DACH2: variants seen among roughly 807,000 people sequenced by gnomAD.
DACH2 encodes the protein dachshund family transcription factor 2.
In DACH2, 17 loss-of-function variants were observed where a neutral mutation model predicts 35.8. The observed-to-expected ratio is 0.48, with a 90% CI of 0.33 to 0.71. DACH2 has a LOEUF of 0.71. DACH2 is among the 30% of genes least tolerant of loss of function. The pLI, the probability that DACH2 is intolerant of heterozygous loss-of-function variation, is 0.02. For synonymous variants in DACH2, 195 were observed against 177.3 expected, an observed-to-expected ratio of 1.10 and a Z score of -0.79; for missense variants, 469 against 472.7, an observed-to-expected ratio of 0.99 and a Z score of 0.07.
chrX:86,828,020 A>C, intron 11 of DACH2: 1 of 291,688 alleles, frequency 3.4e-6, no homozygotes, highest in Non-Finnish European at 5.7e-6. Context: ...CACTTCTTTA[A>C]CCTCTTTCTT....
Position 86,281,543 on chromosome X carries a change from C to T in DACH2, c.489-95281C>T, listed in dbSNP as rs1481734752. On this transcript the variant is annotated intron_variant, in intron 1 of 11. Coordinates refer to ENST00000373125, the MANE Select transcript of DACH2 (RefSeq NM_053281.3). ...TTTATGACAAACCCACAGCCAGTAT[C>T]GTACTGAATGGGCAAAAGCTGGAAT... is the stretch of plus-strand genomic sequence containing the variant. Among the ~76,000 whole-genome samples, 3 of 111,592 alleles carry T rather than the reference C, an allele frequency of 2.7e-5. No individual in the cohort carries two copies. In the Admixed American group the frequency reaches 2.9e-4, roughly 11 times the overall value.
chrX:86,641,631 A>G, intron 3 of DACH2, among the ~76,000 whole-genome samples: 1 of 111,297 alleles, frequency 9.0e-6, no homozygotes, highest in Non-Finnish European at 1.9e-5. Flanking sequence ...ACAAGAAGAT[A>G]CTCCCCAAGA....
At chrX:86,813,552 C>T (rs1164863022) in intron 9 of DACH2, among the ~76,000 whole-genome samples, 3 of 107,420 alleles carry the variant, frequency 2.8e-5, no homozygotes, top group Non-Finnish European at 3.8e-5. Context: ...GCGGAGGTTG[C>T]AGTAAGCCGA....
intron 2 of DACH2, among the ~76,000 whole-genome samples, chrX:86,464,767 G>A (rs1441517817): frequency 9.0e-6 from 1 of 111,549 alleles, no homozygotes; most frequent in African/African-American, 3.3e-5. Flanking sequence ...ATCATAAAAG[G>A]ATGAGTAACT....
chrX:86,728,065 C>A (rs1314224605), intron 6 of DACH2, among the ~76,000 whole-genome samples: 1 of 111,844 alleles, frequency 8.9e-6, no homozygotes, highest in East Asian at 2.8e-4. Context: ...ATGGTAGTGA[C>A]CAAAATGCTG....
chrX:86,624,976 GA>G (rs922627018), intron 3 of DACH2, among the ~76,000 whole-genome samples: 4 of 110,266 alleles, frequency 3.6e-5, no homozygotes, highest in Middle Eastern at 4.7e-3. Flanking sequence ...AATTCTGACT[GA>G]AAAAAAAGGT....
At chrX:86,390,832 T>C (rs1249403910) in intron 2 of DACH2, among the ~76,000 whole-genome samples, 1 of 110,269 alleles carries the variant, frequency 9.1e-6, no homozygotes. Flanking sequence ...TCAAGTAATC[T>C]GCCCACCTCG....
intron 7 of DACH2, among the ~76,000 whole-genome samples, chrX:86,756,330 A>G (rs1409519445): frequency 2.7e-5 from 3 of 111,288 alleles, no homozygotes; most frequent in Non-Finnish European, 5.7e-5. Context: ...TTTGGGCATT[A>G]TGGTAATTTT....
chrX:86,584,629 C>T (rs1266758402), intron 3 of DACH2, among the ~76,000 whole-genome samples: 2 of 110,880 alleles, frequency 1.8e-5, no homozygotes, highest in Non-Finnish European at 3.8e-5. Context: ...TAGTAGCATA[C>T]CACATTTTTT....
At chrX:86,472,809 C>G (rs889892173) in intron 2 of DACH2, among the ~76,000 whole-genome samples, 4 of 111,762 alleles carry the variant, frequency 3.6e-5, no homozygotes, top group African/African-American at 1.3e-4. Flanking sequence ...AAAATGAACT[C>G]TGAATGCTGG....
At chrX:86,687,381 G>T (rs2040957686) in intron 4 of DACH2, among the ~76,000 whole-genome samples, 1 of 111,534 alleles carries the variant, frequency 9.0e-6, no homozygotes, top group Non-Finnish European at 1.9e-5. Flanking sequence ...TCATTAAAAA[G>T]TAAGGAAACA....
At chrX:86,197,650 G>C (rs1201566313) in intron 1 of DACH2, among the ~76,000 whole-genome samples, 1 of 110,912 alleles carries the variant, frequency 9.0e-6, no homozygotes, top group Non-Finnish European at 1.9e-5. Flanking sequence ...AATGAAAAGA[G>C]ATCAAAAAAG....
At chrX:86,480,553 T>G (rs1357546341) in intron 2 of DACH2, among the ~76,000 whole-genome samples, 4 of 111,811 alleles carry the variant, frequency 3.6e-5, no homozygotes, top group African/African-American at 1.3e-4. Flanking sequence ...GTGTTTCCCT[T>G]CAGAGTGGCA....
At chrX:86,375,495 T>C (rs1265262445) in intron 1 of DACH2, among the ~76,000 whole-genome samples, 12 of 104,270 alleles carry the variant, frequency 1.2e-4, no homozygotes, top group African/African-American at 4.2e-4. Flanking sequence ...TTTGGTAAAA[T>C]TGAAAAAGTG....
intron 4 of DACH2, among the ~76,000 whole-genome samples, chrX:86,681,867 C>T (rs2040885908): frequency 9.1e-6 from 1 of 109,471 alleles, no homozygotes; most frequent in African/African-American, 3.3e-5. Context: ...ATGTTCTATC[C>T]TTCTTTTAGT....
chrX:86,304,702 A>G, intron 1 of DACH2: 1 of 169,848 alleles, frequency 5.9e-6, no homozygotes. Context: ...GAGAAGACCA[A>G]GCTTAGCCTA....
chrX:86,525,573 T>A (rs1048477361), intron 3 of DACH2, among the ~76,000 whole-genome samples: 23 of 111,301 alleles, frequency 2.1e-4, no homozygotes, highest in African/African-American at 7.5e-4. Context: ...AATTCCTGAG[T>A]GAATTACTTT....
chrX:86,285,091 TG>T (rs2034118169), intron 1 of DACH2, among the ~76,000 whole-genome samples: 2 of 112,018 alleles, frequency 1.8e-5, no homozygotes, highest in Admixed American at 9.5e-5. Context: ...TCAGCTAGTC[TG>T]GCTTATGGTT....
intron 3 of DACH2, among the ~76,000 whole-genome samples, chrX:86,550,360 G>T (rs917084063): frequency 6.3e-5 from 7 of 111,126 alleles, no homozygotes; most frequent in Admixed American, 1.9e-4. Flanking sequence ...TATGTTTGGG[G>T]TTTTTCTTCA....
Sources: allele counts gnomAD v4.1 joint callset (sites outside exome capture counted in the v4.1 genomes callset), GRCh38; gene constraint gnomAD v4.1.1; transcripts MANE v1.5; gene names NCBI Gene and HGNC (gene_info 2026-07-23, HGNC 2026-07-21).